RPL19: variants seen among roughly 807,000 people sequenced by gnomAD.
RPL19 encodes ribosomal protein L19, also known as large ribosomal subunit protein eL19.
A neutral mutation model predicts 25.1 loss-of-function variants in RPL19; 2 were observed. That is an observed-to-expected ratio of 0.08 (90% confidence interval 0.03 to 0.25). RPL19 has a LOEUF of 0.25. Among genes scored for constraint, RPL19 ranks in the 10% least tolerant of loss-of-function variants. The pLI is 1.00. For missense variants in RPL19, 123 were observed against 271.8 expected, an observed-to-expected ratio of 0.45 and a Z score of 3.85; for synonymous variants, 89 against 91.2, an observed-to-expected ratio of 0.98 and a Z score of 0.14.
At chr17:39,200,487 G>C in intron 1 of RPL19, 138 bp downstream of exon 1, 4 of 1,315,266 alleles carry the variant, frequency 3.0e-6, no homozygotes, top group Non-Finnish European at 3.9e-6. Context: ...GGGTAGGCCG[G>C]AGCACTTTCG....
chr17:39,202,670 C>A, intron 3 of RPL19: 1 of 610,172 alleles, frequency 1.6e-6, no homozygotes, highest in Non-Finnish European at 2.8e-6. Context: ...GCCAAGGATT[C>A]TGTACTTTCT....
intron 4 of RPL19, 116 bp downstream of exon 4, chr17:39,203,225 A>G: frequency 9.0e-7 from 1 of 1,112,220 alleles, no homozygotes; most frequent in East Asian, 2.6e-5. Flanking sequence ...TCTGTCACCC[A>G]GGCTGGAGTG....
rs141986355 is a variant in RPL19 at position 39,200,495 on chromosome 17, TC to T, written c.5+147del. 1,319 of 1,296,784 alleles carry T rather than the reference TC, an allele frequency of 1.0e-3. 18 individuals carry two copies. The African/African-American group carries it at 0.019, about 19-fold the overall frequency. 80.3% of individuals were successfully genotyped at this position (1,296,784 alleles called of 1,614,324 possible). A position where few individuals can be genotyped will look rare whatever the true frequency, so the allele number is the denominator to read the frequency against. On this transcript the variant is annotated intron_variant, in intron 1 of 5. Transcript: ENST00000225430. Reference sequence around the variant, plus strand: ...GGGTTTGGGGTAGGCCGGAGCACTTTCGTCCCGGGCCTCCGGAGTGAGGGGG... The same window carrying T: ...GGGTTTGGGGTAGGCCGGAGCACTTTGTCCCGGGCCTCCGGAGTGAGGGGG...
intron 1 of RPL19, chr17:39,200,609 C>A: frequency 8.1e-7 from 1 of 1,237,020 alleles, no homozygotes; most frequent in South Asian, 2.7e-5. Context: ...CCCACGCGAG[C>A]AGAGCAAACG....
At chr17:39,202,835 G>A in intron 3 of RPL19, 154 bp from the exon 4 acceptor site, 1 of 801,994 alleles carries the variant, frequency 1.2e-6, no homozygotes, top group South Asian at 1.8e-5. Flanking sequence ...TACGTAGTTG[G>A]GATCATCATC....
At chr17:39,200,739 G>C (rs1218391996) in intron 1 of RPL19, 1 of 1,057,284 alleles carries the variant, frequency 9.5e-7, no homozygotes, top group African/African-American at 1.7e-5. Flanking sequence ...CGACTGCCGA[G>C]AGAGGTGATC....
At position 39,202,999 on chromosome 17, in the gene RPL19, G is replaced by C. The variant is rs2046301228; in HGVS notation, c.246G>C (p.Lys82Asn). The C allele has an allele frequency of 1.2e-6, 2 of 1,613,752 alleles. No individual in the cohort carries two copies. The highest frequency in any genetic ancestry group is 1.3e-5 in the African/African-American group (1 of 74,846). The change falls in exon 4 of 6, where the codon AAG (lysine) becomes AAC (asparagine). Residue 82 changes from lysine (K) to asparagine (N), a missense_variant. Transcript: ENST00000225430. The part of the protein sequence containing the change: ...KGRHMGIGKR[K>N]GTANARMPEK... ...TCATCTTCTCCACAGGTAAGCGGAA[G>C]GGTACAGCCAATGCCCGAATGCCAG...
At chr17:39,202,864 C>T (rs965454965) in intron 3 of RPL19, 125 bp from the exon 4 acceptor site, 23 of 1,039,908 alleles carry the variant, frequency 2.2e-5, no homozygotes, top group Non-Finnish European at 3.2e-5. Context: ...GGAAGTAATG[C>T]TACTTAAAAT....
Position 39,201,249 on chromosome 17 carries a change from C to T in RPL19, c.42C>T (p.Val14=), listed in dbSNP as rs769552466. 2 of 1,613,380 alleles carry T rather than the reference C, an allele frequency of 1.2e-6. No homozygotes were observed. Among genetic ancestry groups the T allele is most frequent in the East Asian group, 2.2e-5 (1 of 44,870 alleles). The change falls in exon 2 of 6, where the codon GTC becomes GTT. Residue 14 remains valine, a synonymous_variant. Coordinates refer to ENST00000225430, the MANE Select transcript of RPL19 (RefSeq NM_000981.4). ...TTCAGAAGAGGCTCGCCTCTAGTGT[C>T]CTCCGCTGTGGCAAGAAGAAGGTCT... ...LRLQKRLASS[V]LRCGKKKVWL...
chr17:39,203,173 GAT>G, intron 4 of RPL19, 64 bp downstream of exon 4: 14 of 661,028 alleles, frequency 2.1e-5, no homozygotes, highest in Non-Finnish European at 2.9e-5. Context: ...ATTTCCCAGA[GAT>G]TTTTTTTTTT....
chr17:39,204,663 T>G lies in RPL19; in HGVS notation c.*15T>G. ...CCAAGAAATAAAACCTCCCACTTTG[T>G]CTGTACATACTGGCCTCTGTGATTA... On this transcript the variant is annotated 3_prime_UTR_variant, in exon 6 of 6. Coordinates refer to ENST00000225430, the MANE Select transcript of RPL19 (RefSeq NM_000981.4). 6.2e-7 allele frequency: 1 copy of G among 1,613,038 alleles called. No individual in the cohort carries two copies. The highest frequency in any genetic ancestry group is 8.5e-7 in the Non-Finnish European group (1 of 1,179,340).
rs765540385 is a variant in RPL19, at chr17:39,202,307, G to A, written c.113-10G>A. ...CCAGTTGACTGACCAGGTGCATTATGCTTTCCCAGGTCAGCAGATCCGGAA... is the reference window on the plus strand; with the variant it reads ...CCAGTTGACTGACCAGGTGCATTATACTTTCCCAGGTCAGCAGATCCGGAA... On this transcript the variant is annotated splice_polypyrimidine_tract_variant and intron_variant, in intron 2 of 5. Transcript: ENST00000225430. 1.2e-6 allele frequency: 2 copies of A among 1,613,188 alleles called. No homozygotes were observed. Among genetic ancestry groups the A allele is most frequent in the South Asian group, 1.1e-5 (1 of 91,034 alleles).
chr17:39,201,164 T>G (rs2046285226), intron 1 of RPL19, 49 bp from the exon 2 acceptor site: 1 of 1,292,870 alleles, frequency 7.7e-7, no homozygotes, highest in Non-Finnish European at 1.1e-6. Context: ...ACGTTCATTC[T>G]TGCCCAGGAT....
Position 39,204,506 on chromosome 17 carries a change from T to C in RPL19, c.468-19T>C. On this transcript the variant is annotated intron_variant, in intron 5 of 5. Coordinates refer to ENST00000225430, the MANE Select transcript of RPL19 (RefSeq NM_000981.4). ...TCATCTCTTCCCAAACTGACCCGTC[T>C]TTTCTCTTCCCTGACCAGTGACCAG... is the stretch of plus-strand genomic sequence containing the variant. The C allele has an allele frequency of 6.2e-7, 1 of 1,613,754 alleles. No individual in the cohort carries two copies.
In RPL19 at chr17:39,204,696, C is replaced by G; in HGVS notation, c.*48C>G. ...TACTGGCCTCTGTGATTACATAGAT[C>G]AGCCATTAAAATAAAACAAGCCTTA... On this transcript the variant is annotated 3_prime_UTR_variant, in exon 6 of 6. Transcript: ENST00000225430. The G allele has an allele frequency of 6.3e-7, 1 of 1,576,460 alleles. No individual in the cohort carries two copies.
rs1442454464 is a variant in RPL19, at chr17:39,204,582, G to A, written c.525G>A (p.Glu175=). The A allele has an allele frequency of 1.9e-6, 3 of 1,614,172 alleles. No individual in the cohort carries two copies. Among genetic ancestry groups the A allele is most frequent in the South Asian group, 1.1e-5 (1 of 91,088 alleles). The change falls in exon 6 of 6, where the codon GAG becomes GAA. Residue 175 remains glutamate, a synonymous_variant. Transcript: ENST00000225430. The part of the protein sequence containing the change: ...KTKEARKRRE[E]RLQAKKEEII... ...AGGAAGCACGCAAGCGCCGTGAAGA[G>A]CGCCTCCAGGCCAAGAAGGAGGAGA... is the stretch of plus-strand genomic sequence containing the variant.
At position 39,204,673 on chromosome 17, in the gene RPL19, C is replaced by T. The variant is rs1373655470; in HGVS notation, c.*25C>T. ...AAACCTCCCACTTTGTCTGTACATA[C>T]TGGCCTCTGTGATTACATAGATCAG... On this transcript the variant is annotated 3_prime_UTR_variant, in exon 6 of 6. Transcript: ENST00000225430. The T allele has an allele frequency of 6.2e-7, 1 of 1,607,294 alleles. No homozygotes were observed.
chr17:39,204,205 G>A lies in RPL19; in HGVS notation c.467+18G>A, dbSNP rs2046309290. The A allele has an allele frequency of 1.4e-6, 2 of 1,438,242 alleles. No individual in the cohort carries two copies. The highest frequency in any genetic ancestry group is 1.1e-5 in the South Asian group (1 of 87,534). 89.1% of individuals were successfully genotyped at this position (1,438,242 alleles called of 1,614,324 possible). On this transcript the variant is annotated intron_variant, in intron 5 of 5. Coordinates refer to ENST00000225430, the MANE Select transcript of RPL19 (RefSeq NM_000981.4). The stretch of plus-strand genomic sequence containing the variant: ...CTCCTGGCGTAAGTTTCTTTTCAGA[G>A]TCTTAGGGGAACATTCTTAGACCTT...
intron 4 of RPL19, among the ~76,000 whole-genome samples, 166 bp from the exon 5 acceptor site, chr17:39,203,911 T>C (rs1038302474): frequency 6.6e-6 from 1 of 152,144 alleles, no homozygotes; most frequent in Non-Finnish European, 1.5e-5. Context: ...GCAAGTTCTA[T>C]CTAGGAACTG....
Sources: gnomAD v4.1 joint callset for allele counts (sites outside exome capture counted in the v4.1 genomes callset) on GRCh38, gnomAD v4.1.1 for gene constraint, MANE v1.5 for transcripts, NCBI Gene and HGNC (gene_info 2026-07-23, HGNC 2026-07-21) for gene names.